Variants in PRRC2B observed in about 807,000 individuals in gnomAD.
The protein encoded by PRRC2B is protein PRRC2B.
A neutral mutation model predicts 242.3 loss-of-function variants in PRRC2B; 68 were observed. That is an observed-to-expected ratio of 0.28 (90% CI 0.23 to 0.34). The LOEUF (loss-of-function observed/expected upper bound fraction) is 0.34. Among genes scored for constraint, PRRC2B ranks in the 10% least tolerant of loss-of-function variants. The pLI, the probability that PRRC2B is intolerant of heterozygous loss-of-function variation, is 1.00. For missense variants in PRRC2B, 2,835 were observed against 2,954.8 expected (o/e 0.96, Z 0.94); for synonymous variants, 1,228 against 1,173.6 (o/e 1.05, Z -0.95).
chr9:131,380,709 T>A (rs1836746177), intron 1 of PRRC2B, among the ~76,000 whole-genome samples: 1 of 151,454 alleles, frequency 6.6e-6, no homozygotes, highest in Non-Finnish European at 1.5e-5. Context: ...AAATCCCATC[T>A]CTACTAAAAA....
intron 25 of PRRC2B, among the ~76,000 whole-genome samples, chr9:131,485,483 C>T (rs1943994123): frequency 6.6e-6 from 1 of 152,218 alleles, no homozygotes; most frequent in Admixed American, 6.5e-5. Flanking sequence ...GTGTCCTCTC[C>T]TCTCTTACAT....
intron 1 of PRRC2B, among the ~76,000 whole-genome samples, chr9:131,424,548 T>C (rs1015147448): frequency 6.6e-6 from 1 of 152,008 alleles, no homozygotes; most frequent in African/African-American, 2.4e-5. Flanking sequence ...TAGCTGGGCG[T>C]GGTGGCGCGC....
rs912707928 is a variant in PRRC2B, at chr9:131,487,341, C to T, written c.5984+47C>T. 2 of 1,530,060 alleles carry T rather than the reference C, an allele frequency of 1.3e-6. No homozygotes were observed. The highest frequency in any genetic ancestry group is 1.8e-6 in the Non-Finnish European group (2 of 1,134,714). The allele number at this position is 1,530,060 out of a possible 1,614,324, so 94.8% of individuals were successfully genotyped here. Reference sequence around the variant, plus strand: ...CGGAGCTGGCAGCTCACAGCCAGGGCCTTGGCCCTGTGTGCAGCCTTCGTC... The same window carrying T: ...CGGAGCTGGCAGCTCACAGCCAGGGTCTTGGCCCTGTGTGCAGCCTTCGTC... On this transcript the variant is annotated intron_variant, in intron 27 of 31. Coordinates refer to ENST00000683519, the MANE Select transcript of PRRC2B (RefSeq NM_013318.4). This position sits in a 1 kb window ranked among gnomAD's most constrained non-coding sequence, Gnocchi z 5.3.
Position 131,482,164 on chromosome 9 carries a change from C to G in PRRC2B, c.4984-207C>G, listed in dbSNP as rs1034306933. On this transcript the variant is annotated intron_variant, in intron 20 of 31. Coordinates refer to ENST00000683519, the MANE Select transcript of PRRC2B (RefSeq NM_013318.4). The surrounding 1 kb of genome is among the most constrained non-coding windows in gnomAD (Gnocchi z 5.2). ...CCTCGGTCTGGGGCCCATAGAAGAT[C>G]CTGTGGTCACGAGCTCTATCGGGGT... 3.9e-5 allele frequency among the ~76,000 whole-genome samples: 6 copies of G among 152,180 alleles called. No homozygotes were observed. Among genetic ancestry groups the G allele is most frequent in the African/African-American group, 1.4e-4 (6 of 41,438 alleles).
rs111324414 is a variant in PRRC2B, at chr9:131,446,946, G to A, written c.856-139G>A. On this transcript the variant is annotated intron_variant, in intron 7 of 31. Coordinates refer to ENST00000683519, the MANE Select transcript of PRRC2B (RefSeq NM_013318.4). This position sits in a 1 kb window ranked among gnomAD's most constrained non-coding sequence, Gnocchi z 4.1. ...GCAGGAATGAAATGGGGGAGATGGTGGTAGGATTAATTAGGAAACCCCATG... is the reference window on the plus strand; with the variant it reads ...GCAGGAATGAAATGGGGGAGATGGTAGTAGGATTAATTAGGAAACCCCATG... 2.3e-3 allele frequency: 2,618 copies of A among 1,133,098 alleles called. 30 individuals are homozygous for A. In the African/African-American group the frequency reaches 0.025, roughly 11 times the overall value. 70.2% of individuals were successfully genotyped at this position (1,133,098 alleles called of 1,614,324 possible). A position where few individuals can be genotyped will look rare whatever the true frequency, so the allele number is the denominator to read the frequency against.
In PRRC2B at chr9:131,484,956, T is replaced by C; in HGVS notation, c.5574T>C (p.Ser1858=). 1.9e-6 allele frequency: 3 copies of C among 1,610,042 alleles called. No individual in the cohort carries two copies. Among genetic ancestry groups the C allele is most frequent in the Non-Finnish European group, 2.5e-6 (3 of 1,176,854 alleles). ...PTADLTLKME[S]ARKAWENSPS... ...TCCCCTTGCTTCTGAAGATGGAGTCTGCGCGCAAGGCTTGGGAAAACTCCC... is the reference window on the plus strand; with the variant it reads ...TCCCCTTGCTTCTGAAGATGGAGTCCGCGCGCAAGGCTTGGGAAAACTCCC... Residue 1858 remains serine, a synonymous_variant, in exon 25 of 32, where the codon TCT becomes TCC. Transcript: ENST00000683519.
rs1944064927 is a variant in PRRC2B, at chr9:131,487,664, G to T, written c.5985-192G>T. On this transcript the variant is annotated intron_variant, in intron 27 of 31. Coordinates refer to ENST00000683519, the MANE Select transcript of PRRC2B (RefSeq NM_013318.4). This position sits in a 1 kb window ranked among gnomAD's most constrained non-coding sequence, Gnocchi z 5.3. ...TCGTACAGCCTGGATGTCTTCACTT[G>T]TTTAATCCAGCAGCATCAGCGCCAT... 6.6e-6 allele frequency among the ~76,000 whole-genome samples: 1 copy of T among 152,164 alleles called. No homozygotes were observed. The highest frequency in any genetic ancestry group is 2.4e-5 in the African/African-American group (1 of 41,450).
At chr9:131,420,510 T>TCTTTCTTTCTTTC (rs1837808759) in intron 1 of PRRC2B, among the ~76,000 whole-genome samples, 1 of 129,164 alleles carries the variant, frequency 7.7e-6, no homozygotes, top group Non-Finnish European at 1.6e-5. Flanking sequence ...TTTTTTTTTT[T>TCTTTCTTTCTTTC]GAGATGGAGG....
chr9:131,377,995 A>G (rs188841923), intron 1 of PRRC2B, among the ~76,000 whole-genome samples: 217 of 152,200 alleles, frequency 1.4e-3, no homozygotes, highest in African/African-American at 5.0e-3. Context: ...GGCCCAAGCG[A>G]TCTTCCTACC....
intron 1 of PRRC2B, among the ~76,000 whole-genome samples, chr9:131,382,205 C>T (rs1473594190): frequency 1.3e-5 from 2 of 152,014 alleles, no homozygotes; most frequent in Admixed American, 6.6e-5. Context: ...TCAGTAGAGA[C>T]GGGGTTTCAC....
chr9:131,471,514 C>T (rs955260992), intron 14 of PRRC2B, among the ~76,000 whole-genome samples: 3 of 152,174 alleles, frequency 2.0e-5, no homozygotes, highest in African/African-American at 7.2e-5. Flanking sequence ...ATAATATGGT[C>T]TGTGTGATAC....
At chr9:131,450,857 G>T (rs144455173) in intron 9 of PRRC2B, among the ~76,000 whole-genome samples, 1 of 152,104 alleles carries the variant, frequency 6.6e-6, no homozygotes. Flanking sequence ...CAAAGTGCTG[G>T]GATTACAGGT....
At position 131,476,728 on chromosome 9, in the gene PRRC2B, TCCCACCCCCACC is replaced by T. The variant is rs1043609723; in HGVS notation, c.4406+202_4406+213del. 1.6e-4 allele frequency among the ~76,000 whole-genome samples: 24 copies of T among 148,186 alleles called. 1 individual carries two copies. The highest frequency in any genetic ancestry group is 5.2e-4 in the African/African-American group (21 of 40,130). On this transcript the variant is annotated intron_variant, in intron 16 of 31. Transcript: ENST00000683519. ...GTGGTGGTGTTATTGTGGCTAGAGCTCCCACCCCCACCCCCACCCCAGTGGTGCTCTTGAGGC... is the reference window on the plus strand; with the variant it reads ...GTGGTGGTGTTATTGTGGCTAGAGCTCCCACCCCAGTGGTGCTCTTGAGGC...
At chr9:131,485,187 A>G in intron 25 of PRRC2B, 47 bp downstream of exon 25, 2 of 1,449,040 alleles carry the variant, frequency 1.4e-6, no homozygotes, top group Non-Finnish European at 1.9e-6. Flanking sequence ...TCCATTTATT[A>G]TCAAGAAAAA....
rs377386198 is a variant in PRRC2B at position 131,386,152 on chromosome 9, GC to G, written c.-56+12424del. Among the ~76,000 whole-genome samples, 364 of 150,020 alleles carry G rather than the reference GC, an allele frequency of 2.4e-3. 10 individuals carry two copies. The highest frequency in any genetic ancestry group is 0.014 in the Middle Eastern group (4 of 290). ...TTAAGAGATAGGGTCTTGCTCTGTT[GC>G]CCAGGCTGGAGTGCAGTGGCGTGAA... On this transcript the variant is annotated intron_variant, in intron 1 of 1. Coordinates refer to the PRRC2B transcript ENST00000682525.
At chr9:131,441,633 T>A (rs1212123912) in intron 5 of PRRC2B, among the ~76,000 whole-genome samples, 1 of 152,214 alleles carries the variant, frequency 6.6e-6, no homozygotes, top group African/African-American at 2.4e-5. Flanking sequence ...TCAGTTTCAG[T>A]TCCCCCTCTC....
At chr9:131,453,298 T>A (rs1346241922) in intron 9 of PRRC2B, among the ~76,000 whole-genome samples, 1 of 152,272 alleles carries the variant, frequency 6.6e-6, no homozygotes, top group Non-Finnish European at 1.5e-5. Flanking sequence ...TTAAAGTGAT[T>A]ATTTAGTAGA....
chr9:131,438,939 A>G, intron 4 of PRRC2B, 50 bp from the exon 5 acceptor site: 2 of 1,426,160 alleles, frequency 1.4e-6, no homozygotes, highest in African/African-American at 1.4e-5. Context: ...CTGTTATTGT[A>G]CAGTGGAATA....
chr9:131,436,856 G>A, intron 4 of PRRC2B, 134 bp downstream of exon 4: 1 of 668,558 alleles, frequency 1.5e-6, no homozygotes, highest in Admixed American at 3.0e-5. Context: ...AGGCACACCC[G>A]ATGAGTGACT....
Sources: gnomAD v4.1 joint callset for allele counts (sites outside exome capture counted in the v4.1 genomes callset) on GRCh38, gnomAD v4.1.1 for gene constraint, Gnocchi (gnomAD v3.1) non-coding constraint, MANE v1.5 for transcripts, NCBI Gene and HGNC (gene_info 2026-07-23, HGNC 2026-07-21) for gene names.